CARD8: variants seen among roughly 807,000 people sequenced by gnomAD.
CARD8 encodes caspase recruitment domain-containing protein 8.
A neutral mutation model predicts 53.2 loss-of-function variants in CARD8; 38 were observed. The ratio of observed to expected loss-of-function variants is 0.71; its 90% CI spans 0.55 to 0.94. The LOEUF (loss-of-function observed/expected upper bound fraction) is 0.94. Among genes scored for constraint, CARD8 ranks in the 40% least tolerant of loss-of-function variants. The pLI is 0.00. For missense variants in CARD8, 561 were observed against 655.5 expected, an observed-to-expected ratio of 0.86 and a Z score of 1.57; for synonymous variants, 245 against 244.9, an observed-to-expected ratio of 1.00 and a Z score of 0.00.
intron 10 of CARD8, among the ~76,000 whole-genome samples, chr19:48,227,774 G>T (rs1254761911): frequency 6.7e-6 from 1 of 149,164 alleles, no homozygotes; most frequent in Admixed American, 6.7e-5. Context: ...CTGCACTCCA[G>T]CCTGGGTGAG....
intron 10 of CARD8, among the ~76,000 whole-genome samples, chr19:48,223,129 C>T (rs977136296): frequency 2.0e-5 from 3 of 152,080 alleles, no homozygotes; most frequent in East Asian, 3.9e-4. Flanking sequence ...CATGGTGAAA[C>T]CCCATGTCTA....
chr19:48,249,991 G>A (rs1262024913), intron 1 of CARD8, 144 bp from the exon 2 acceptor site: 1 of 78,070 alleles, frequency 1.3e-5, no homozygotes, highest in African/African-American at 8.7e-5. Flanking sequence ...GACTTGGCTG[G>A]GACAGTCTTA....
At chr19:48,229,496 TACTC>T (rs1328418379) in intron 10 of CARD8, among the ~76,000 whole-genome samples, 1 of 152,158 alleles carries the variant, frequency 6.6e-6, no homozygotes, top group Admixed American at 6.5e-5. Flanking sequence ...TACCCACAGT[TACTC>T]ACCACCCTAA....
chr19:48,206,961 G>A (rs186438313), downstream of CARD8, among the ~76,000 whole-genome samples: 466 of 151,952 alleles, frequency 3.1e-3, 2 homozygotes, highest in Non-Finnish European at 5.2e-3. Context: ...GATTGCTCTC[G>A]TACTTCCTCT....
At chr19:48,238,239 T>G (rs2044273504) in intron 5 of CARD8, 144 bp downstream of exon 5, 15 of 1,365,144 alleles carry the variant, frequency 1.1e-5, no homozygotes, top group Non-Finnish European at 1.4e-5. Context: ...AAATAAAAAC[T>G]TAAGATAACA....
At chr19:48,237,171 G>A (rs2146484459) in intron 5 of CARD8, among the ~76,000 whole-genome samples, 1 of 152,126 alleles carries the variant, frequency 6.6e-6, no homozygotes, top group African/African-American at 2.4e-5. Context: ...GCTGCAGGAT[G>A]TACATCATGG....
At chr19:48,222,647 C>T (rs1358091410) in intron 10 of CARD8, among the ~76,000 whole-genome samples, 1 of 151,770 alleles carries the variant, frequency 6.6e-6, no homozygotes, top group African/African-American at 2.4e-5. Flanking sequence ...CGAGATTGCG[C>T]CACTGCATTC....
chr19:48,255,249 C>G (rs368228089), intron 1 of CARD8, among the ~76,000 whole-genome samples: 1 of 152,134 alleles, frequency 6.6e-6, no homozygotes, highest in African/African-American at 2.4e-5. Flanking sequence ...GCCTGTAGTC[C>G]CAGCTACTTG....
intron 10 of CARD8, among the ~76,000 whole-genome samples, chr19:48,228,796 G>T (rs940303329): frequency 2.0e-5 from 3 of 152,152 alleles, no homozygotes; most frequent in Non-Finnish European, 4.4e-5. Context: ...CCACATAAGG[G>T]AAGAGGGAAA....
intron 13 of CARD8, among the ~76,000 whole-genome samples, chr19:48,214,924 G>A (rs975833443): frequency 4.6e-5 from 7 of 151,572 alleles, no homozygotes; most frequent in Admixed American, 2.0e-4. Flanking sequence ...GAGTAGCTGG[G>A]ACCACAGGTG....
Position 48,254,344 on chromosome 19 carries a change from C to T in CARD8, c.-252+1448G>A, listed in dbSNP as rs113726925. 3.2e-3 allele frequency among the ~76,000 whole-genome samples: 483 copies of T among 152,234 alleles called. 2 individuals carry two copies. Among genetic ancestry groups the T allele is most frequent in the African/African-American group, 0.011 (463 of 41,538 alleles). ...ATACTTCTAGGCAACCACTTAGTGA[C>T]AAAAATTCTGTAGAAATCCATCATT... On this transcript the variant is annotated intron_variant, in intron 1 of 13. Coordinates refer to ENST00000651546, the MANE Select transcript of CARD8 (RefSeq NM_001184900.3).
Position 48,234,110 on chromosome 19 carries a change from A to C in CARD8, c.350+293T>G, listed in dbSNP as rs1272314964. On this transcript the variant is annotated intron_variant, in intron 6 of 13. Coordinates refer to ENST00000651546, the MANE Select transcript of CARD8 (RefSeq NM_001184900.3). ...GCCTCATCATCAGCCAGTTTCCTAG[A>C]GAATTAGGTTGGTTTTATGTATTGA... The C allele has an allele frequency of 6.2e-5, 16 of 257,436 alleles. 1 individual carries two copies. The highest frequency in any genetic ancestry group is 1.2e-4 in the Non-Finnish European group (16 of 136,360). The allele number at this position is 257,436 out of a possible 1,614,324, so 15.9% of individuals were successfully genotyped here. A position where few individuals can be genotyped will look rare whatever the true frequency, so the allele number is the denominator to read the frequency against.
At chr19:48,252,323 G>C (rs1385836700) in intron 1 of CARD8, among the ~76,000 whole-genome samples, 1 of 151,948 alleles carries the variant, frequency 6.6e-6, no homozygotes, top group Non-Finnish European at 1.5e-5. Flanking sequence ...ATAAATAACA[G>C]TATATAAATA....
chr19:48,215,396 G>T lies in CARD8; in HGVS notation c.1304-12C>A. The T allele has an allele frequency of 1.3e-6, 2 of 1,596,678 alleles. No individual in the cohort carries two copies. Among genetic ancestry groups the T allele is most frequent in the Non-Finnish European group, 1.7e-6 (2 of 1,164,712 alleles). On this transcript the variant is annotated splice_polypyrimidine_tract_variant and intron_variant, in intron 12 of 13. Transcript: ENST00000651546. ...AAGCTGGAGATCCACTACAAAAGAG[G>T]GAAAAATTATATGATGAGATGAGAT... is the stretch of plus-strand genomic sequence containing the variant.
chr19:48,206,100 G>A (rs1432973754), downstream of CARD8, among the ~76,000 whole-genome samples: 4 of 151,952 alleles, frequency 2.6e-5, no homozygotes, highest in East Asian at 3.9e-4. Flanking sequence ...GTTTCACCAC[G>A]TTGGCCAGGC....
chr19:48,236,090 G>C (rs900882260), intron 5 of CARD8, among the ~76,000 whole-genome samples: 3 of 152,172 alleles, frequency 2.0e-5, no homozygotes, highest in African/African-American at 4.8e-5. Flanking sequence ...CCACAGACAG[G>C]GAACATTTCC....
chr19:48,234,102 T>C (rs2043416312), intron 6 of CARD8: 3 of 245,322 alleles, frequency 1.2e-5, no homozygotes, highest in Non-Finnish European at 2.3e-5. Flanking sequence ...CATCAGCCAG[T>C]TTCCTAGAGA....
intron 10 of CARD8, among the ~76,000 whole-genome samples, chr19:48,226,555 T>C (rs1291373698): frequency 1.3e-5 from 2 of 152,178 alleles, no homozygotes; most frequent in Non-Finnish European, 2.9e-5. Flanking sequence ...AAGAAGTACA[T>C]GTGCAGATTT....
Position 48,224,756 on chromosome 19 carries a change from CT to C in CARD8, c.1036-2902del, listed in dbSNP as rs10533384. Reference sequence around the variant, plus strand: ...TACCTACAACAGGCCTCACCTTGTGCTTTTTTTTTTTTTTTTTGAGATGGAG... The same window carrying C: ...TACCTACAACAGGCCTCACCTTGTGCTTTTTTTTTTTTTTTTGAGATGGAG... On this transcript the variant is annotated intron_variant, in intron 10 of 13. Transcript: ENST00000651546. 9.3e-3 allele frequency among the ~76,000 whole-genome samples: 1,253 copies of C among 135,132 alleles called. 12 individuals carry two copies. Among genetic ancestry groups the C allele is most frequent in the Admixed American group, 0.013 (168 of 13,374 alleles). 88.7% of individuals were successfully genotyped at this position (135,132 alleles called of 152,430 possible). A position where few individuals can be genotyped will look rare whatever the true frequency, so the allele number is the denominator to read the frequency against.
Sources: gnomAD v4.1 joint callset for allele counts (sites outside exome capture counted in the v4.1 genomes callset) on GRCh38, gnomAD v4.1.1 for gene constraint, MANE v1.5 for transcripts, NCBI Gene and HGNC (gene_info 2026-07-23, HGNC 2026-07-21) for gene names.